DLG2: variants seen among roughly 807,000 people sequenced by gnomAD.
DLG2 encodes disks large homolog 2.
In DLG2, 45 loss-of-function variants were observed where a neutral mutation model predicts 132.5. The ratio of observed to expected loss-of-function variants is 0.34; its 90% CI spans 0.27 to 0.44. DLG2 has a LOEUF of 0.44. Ranked by LOEUF, DLG2 falls within the 20% of genes least tolerant of loss-of-function variation. The pLI is 1.00. For missense variants in DLG2, 1,045 were observed against 1,196.9 expected (o/e 0.87, Z 1.87); for synonymous variants, 424 against 419.6 (o/e 1.01, Z -0.13).
chr11:83,543,888 T>G (rs2096160509), intron 19 of DLG2, among the ~76,000 whole-genome samples: 1 of 152,152 alleles, frequency 6.6e-6, no homozygotes, highest in Non-Finnish European at 1.5e-5. Context: ...AAAGTTAGAT[T>G]TTGGGAGGGT....
chr11:84,046,627 T>G (rs959533682), intron 11 of DLG2, among the ~76,000 whole-genome samples: 3 of 151,604 alleles, frequency 2.0e-5, no homozygotes, highest in Non-Finnish European at 4.4e-5. Flanking sequence ...TTTTTACTCT[T>G]CTTTTTTCTT....
intron 8 of DLG2, among the ~76,000 whole-genome samples, chr11:84,180,707 G>A (rs1400628764): frequency 6.6e-6 from 1 of 151,978 alleles, no homozygotes; most frequent in Admixed American, 6.6e-5. Context: ...ATCTACGGAG[G>A]AGCAAAGATA....
intron 3 of DLG2, among the ~76,000 whole-genome samples, chr11:85,377,384 G>T (rs1394487036): frequency 2.0e-5 from 3 of 152,022 alleles, no homozygotes; most frequent in African/African-American, 7.2e-5. Flanking sequence ...TCCTCCTTTC[G>T]AAAGGAGGCA....
intron 6 of DLG2, among the ~76,000 whole-genome samples, chr11:84,951,476 A>G (rs994720810): frequency 2.0e-5 from 3 of 152,102 alleles, no homozygotes; most frequent in Admixed American, 2.0e-4. Flanking sequence ...TTAAGACCAG[A>G]GCATAAACAG....
intron 7 of DLG2, among the ~76,000 whole-genome samples, chr11:84,321,521 T>G (rs2098404684): frequency 6.6e-6 from 1 of 152,148 alleles, no homozygotes; most frequent in South Asian, 2.1e-4. Flanking sequence ...TGTCTGTGCC[T>G]CACACTCTTG....
chr11:84,199,305 C>T (rs1799714335), intron 8 of DLG2, among the ~76,000 whole-genome samples: 2 of 152,216 alleles, frequency 1.3e-5, no homozygotes, highest in South Asian at 4.1e-4. Flanking sequence ...ATCACACACT[C>T]ACCCGATATT....
At chr11:84,433,084 G>A (rs2098989671) in intron 7 of DLG2, among the ~76,000 whole-genome samples, 2 of 152,080 alleles carry the variant, frequency 1.3e-5, no homozygotes, top group South Asian at 2.1e-4. Flanking sequence ...TGTGGGGTTG[G>A]TTACATCACT....
intron 18 of DLG2, among the ~76,000 whole-genome samples, chr11:83,762,965 GTTTGT>G (rs1480630007): frequency 6.6e-6 from 1 of 152,134 alleles, no homozygotes; most frequent in African/African-American, 2.4e-5. Flanking sequence ...GCAAGTAGTT[GTTTGT>G]TTTGTTTTGT....
chr11:84,517,284 A>C (rs1442090978), intron 7 of DLG2, among the ~76,000 whole-genome samples: 1 of 151,732 alleles, frequency 6.6e-6, no homozygotes, highest in African/African-American at 2.4e-5. Context: ...ATATATAAGA[A>C]ACTCAAATAA....
intron 11 of DLG2, among the ~76,000 whole-genome samples, chr11:84,042,893 C>A (rs1375083077): frequency 6.6e-6 from 1 of 151,610 alleles, no homozygotes; most frequent in East Asian, 1.9e-4. Flanking sequence ...GGGTGAGGTG[C>A]AGGGAGGGAG....
intron 9 of DLG2, among the ~76,000 whole-genome samples, chr11:84,150,875 T>C (rs2095271805): frequency 6.6e-6 from 1 of 152,214 alleles, no homozygotes. Flanking sequence ...CATATGAATT[T>C]TGTTTTTAGT....
intron 3 of DLG2, among the ~76,000 whole-genome samples, chr11:85,563,137 C>T (rs1481377343): frequency 6.6e-6 from 1 of 151,720 alleles, no homozygotes; most frequent in Non-Finnish European, 1.5e-5. Context: ...CATTCTCTCT[C>T]GCTTACTAGC....
chr11:85,115,265 C>A (rs1484817765), intron 5 of DLG2, among the ~76,000 whole-genome samples: 1 of 151,732 alleles, frequency 6.6e-6, no homozygotes, highest in East Asian at 1.9e-4. Flanking sequence ...CTCCTAAAGC[C>A]CCCAACCTTT....
chr11:85,428,666 G>A (rs182831123), intron 3 of DLG2, among the ~76,000 whole-genome samples: 2 of 152,188 alleles, frequency 1.3e-5, no homozygotes, highest in Non-Finnish European at 2.9e-5. Flanking sequence ...ATGCCCACAA[G>A]AGAAAGAAGG....
intron 6 of DLG2, among the ~76,000 whole-genome samples, chr11:85,027,723 G>A (rs2060653298): frequency 6.6e-6 from 1 of 152,224 alleles, no homozygotes; most frequent in Non-Finnish European, 1.5e-5. Flanking sequence ...TTCAGCTATA[G>A]GCACCTGCAT....
intron 18 of DLG2, among the ~76,000 whole-genome samples, chr11:83,763,835 A>G (rs1010317421): frequency 6.6e-6 from 1 of 152,192 alleles, no homozygotes; most frequent in African/African-American, 2.4e-5. Context: ...AATGGTTCCT[A>G]CAATATTGTC....
At chr11:84,305,805 A>G (rs527307749) in intron 7 of DLG2, among the ~76,000 whole-genome samples, 62 of 152,268 alleles carry the variant, frequency 4.1e-4, no homozygotes, top group African/African-American at 1.3e-3. Flanking sequence ...ATTTGACACA[A>G]TATCAGAATA....
chr11:84,607,354 A>G (rs2099587657), intron 6 of DLG2, among the ~76,000 whole-genome samples: 1 of 152,158 alleles, frequency 6.6e-6, no homozygotes, highest in Non-Finnish European at 1.5e-5. Flanking sequence ...TCTACCCTGT[A>G]AAGTTGAGAA....
chr11:84,847,637 T>C (rs1002783727), intron 6 of DLG2, among the ~76,000 whole-genome samples: 4 of 152,144 alleles, frequency 2.6e-5, no homozygotes, highest in Non-Finnish European at 4.4e-5. Flanking sequence ...CGGCTTTAGC[T>C]CAAGAAACAA....
Sources: gnomAD v4.1 joint callset for allele counts (sites outside exome capture counted in the v4.1 genomes callset) on GRCh38, gnomAD v4.1.1 for gene constraint, MANE v1.5 for transcripts, NCBI Gene and HGNC (gene_info 2026-07-23, HGNC 2026-07-21) for gene names.